The following MRRF variants were observed in gnomAD, a reference collection of about 807,000 sequenced individuals.
The protein encoded by MRRF is ribosome-recycling factor, mitochondrial.
Under a neutral mutation model 25.1 loss-of-function variants are expected in MRRF, and 18 were observed. That is an observed-to-expected ratio of 0.72 (90% CI 0.50 to 1.06). The LOEUF is 1.06. Ranked by LOEUF, MRRF falls within the 50% of genes least tolerant of loss-of-function variation. MRRF has a pLI of 0.00. For synonymous variants in MRRF, 113 were observed against 112.1 expected, an observed-to-expected ratio of 1.01 and a Z score of -0.05; for missense variants, 323 against 319.3, an observed-to-expected ratio of 1.01 and a Z score of -0.09.
At position 122,322,722 on chromosome 9, in the gene MRRF, C is replaced by A. The variant is rs1835965971; in HGVS notation, c.*105C>A. Reference sequence around the variant, plus strand: ...CCCCCATCTACACAGAAGACTGTCACCATGCTGACAGAAGCCTGTCCTTGT... The same window carrying A: ...CCCCCATCTACACAGAAGACTGTCAACATGCTGACAGAAGCCTGTCCTTGT... On this transcript the variant is annotated 3_prime_UTR_variant, in exon 7 of 7. Transcript: ENST00000344641. 1.0e-6 allele frequency: 1 copy of A among 994,452 alleles called. No individual in the cohort carries two copies. The highest frequency in any genetic ancestry group is 1.6e-6 in the Non-Finnish European group (1 of 635,198). The allele number at this position is 994,452 out of a possible 1,614,324, so 61.6% of individuals were successfully genotyped here.
intron 6 of MRRF, among the ~76,000 whole-genome samples, chr9:122,317,074 A>G (rs1394802423): frequency 6.7e-6 from 1 of 149,960 alleles, no homozygotes; most frequent in Non-Finnish European, 1.5e-5. Context: ...GTGAATATAT[A>G]TATATATATA....
intron 6 of MRRF, among the ~76,000 whole-genome samples, chr9:122,320,804 C>G (rs921640871): frequency 6.6e-6 from 1 of 152,196 alleles, no homozygotes; most frequent in South Asian, 2.1e-4. Context: ...GGCCTGTGGT[C>G]TGCAAATAAA....
Position 122,326,105 on chromosome 9 carries a change from A to ATTT in MRRF, c.*3488_*3489insTTT, listed in dbSNP as rs1836131905. 2 of 138,610 alleles carry ATTT rather than the reference A, an allele frequency of 1.4e-5. No individual in the cohort carries two copies. The highest frequency in any genetic ancestry group is 7.2e-5 in the Admixed American group (1 of 13,886). 8.6% of individuals were successfully genotyped at this position (138,610 alleles called of 1,614,324 possible). On this transcript the variant is annotated 3_prime_UTR_variant, in exon 7 of 7. Transcript: ENST00000344641. The stretch of plus-strand genomic sequence containing the variant: ...TGAGCCACTCTGCCTGGCCATATAT[A>ATTT]ATTTTTTTTTTTTTTTTTTTGCAAT...
At chr9:122,306,248 A>G (rs1439662651) in intron 5 of MRRF, among the ~76,000 whole-genome samples, 3 of 152,226 alleles carry the variant, frequency 2.0e-5, no homozygotes, top group African/African-American at 7.2e-5. Context: ...AACACTGTGG[A>G]AAAATCCTGT....
intron 3 of MRRF, among the ~76,000 whole-genome samples, chr9:122,281,295 T>A (rs145270984): frequency 2.2e-3 from 342 of 152,320 alleles, no homozygotes; most frequent in African/African-American, 8.0e-3. Context: ...AAATTAGGCT[T>A]TTGCAAATTG....
intron 5 of MRRF, among the ~76,000 whole-genome samples, chr9:122,297,104 G>A (rs910233412): frequency 1.3e-5 from 2 of 152,198 alleles, no homozygotes; most frequent in Non-Finnish European, 2.9e-5. Flanking sequence ...CACAAGGTCA[G>A]AAGTTCAAGA....
At chr9:122,314,132 C>G (rs986969765) in intron 6 of MRRF, among the ~76,000 whole-genome samples, 1 of 152,116 alleles carries the variant, frequency 6.6e-6, no homozygotes, top group Non-Finnish European at 1.5e-5. Context: ...ACATAACTAC[C>G]CCAAAACTCA....
chr9:122,322,068 A>G (rs1273280693), intron 6 of MRRF, among the ~76,000 whole-genome samples: 1 of 152,198 alleles, frequency 6.6e-6, no homozygotes, highest in African/African-American at 2.4e-5. Context: ...GTTAAAAAGA[A>G]TGTATATATA....
intron 2 of MRRF, among the ~76,000 whole-genome samples, chr9:122,277,988 T>C (rs969426416): frequency 1.3e-5 from 2 of 152,134 alleles, no homozygotes; most frequent in African/African-American, 2.4e-5. Context: ...GCATAAATGA[T>C]TTAAGTTAGG....
At chr9:122,307,413 C>T (rs1834919882) in intron 5 of MRRF, among the ~76,000 whole-genome samples, 1 of 152,190 alleles carries the variant, frequency 6.6e-6, no homozygotes, top group Admixed American at 6.5e-5. Flanking sequence ...CCTCTGTTCC[C>T]ATTCTGTTTC....
At chr9:122,281,419 G>A (rs532343981) in intron 3 of MRRF, among the ~76,000 whole-genome samples, 2 of 152,040 alleles carry the variant, frequency 1.3e-5, no homozygotes, top group Non-Finnish European at 2.9e-5. Context: ...GAAATATTTC[G>A]CTCTTAAGAA....
chr9:122,305,966 T>G (rs1834816519), intron 5 of MRRF, among the ~76,000 whole-genome samples: 1 of 152,216 alleles, frequency 6.6e-6, no homozygotes, highest in Admixed American at 6.5e-5. Flanking sequence ...AATATACTCG[T>G]AACAACTTTT....
chr9:122,296,900 C>T (rs1834120083), intron 5 of MRRF, among the ~76,000 whole-genome samples: 1 of 152,130 alleles, frequency 6.6e-6, no homozygotes, highest in South Asian at 2.1e-4. Context: ...ATGAATTCAC[C>T]CAGGAAACAA....
intron 1 of MRRF, among the ~76,000 whole-genome samples, chr9:122,270,036 G>C (rs896073009): frequency 6.6e-6 from 1 of 151,492 alleles, no homozygotes; most frequent in African/African-American, 2.4e-5. Flanking sequence ...TTTTAGGATG[G>C]GATTTAAAAA....
In MRRF at chr9:122,269,244, A is replaced by G. The variant is rs1480644694; in HGVS notation, c.-28-1620A>G. Among the ~76,000 whole-genome samples the G allele has an allele frequency of 4.6e-5, 7 of 152,042 alleles. No homozygotes were observed. In the East Asian group the frequency reaches 1.3e-3, roughly 29 times the overall value. Reference sequence around the variant, plus strand: ...TCCTGGCACTATGTTAGTTGTTTACATGTATTCATTATTAAATTTTATTTT... The same window carrying G: ...TCCTGGCACTATGTTAGTTGTTTACGTGTATTCATTATTAAATTTTATTTT... On this transcript the variant is annotated intron_variant, in intron 1 of 6. Transcript: ENST00000344641.
At chr9:122,272,703 T>C (rs1241317294) in intron 2 of MRRF, among the ~76,000 whole-genome samples, 1 of 152,246 alleles carries the variant, frequency 6.6e-6, no homozygotes, top group Non-Finnish European at 1.5e-5. Flanking sequence ...TCTTCTTTGC[T>C]TTTTACTTTA....
chr9:122,272,599 A>C (rs1832531145), intron 2 of MRRF, among the ~76,000 whole-genome samples: 1 of 151,912 alleles, frequency 6.6e-6, no homozygotes, highest in African/African-American at 2.4e-5. Flanking sequence ...GAGGAGTTTG[A>C]GGCTGCAGAA....
chr9:122,265,806 T>C, intron 1 of MRRF: 1 of 1,270,254 alleles, frequency 7.9e-7, no homozygotes, highest in Non-Finnish European at 1.0e-6. Flanking sequence ...TCCAGATCTC[T>C]TAACTCTTAG....
chr9:122,280,647 T>G, intron 3 of MRRF, 49 bp downstream of exon 3: 1 of 1,590,456 alleles, frequency 6.3e-7, no homozygotes, highest in Non-Finnish European at 8.6e-7. Flanking sequence ...GGAAAGAGCA[T>G]GGGTTTGGCA....
Sources: allele counts gnomAD v4.1 joint callset (sites outside exome capture counted in the v4.1 genomes callset), GRCh38; gene constraint gnomAD v4.1.1; transcripts MANE v1.5; gene names NCBI Gene and HGNC (gene_info 2026-07-23, HGNC 2026-07-21).